The following HDAC4 variants were observed in gnomAD, a reference collection of about 807,000 sequenced individuals.
HDAC4 encodes histone deacetylase 4, also known as histone deacetylase A.
A neutral mutation model predicts 135.1 loss-of-function variants in HDAC4; 16 were observed. The observed-to-expected ratio is 0.12, with a 90% CI of 0.08 to 0.18. HDAC4 has a LOEUF of 0.18. Ranked by LOEUF, HDAC4 falls within the 10% of genes least tolerant of loss-of-function variation. The pLI is 1.00. For missense variants in HDAC4, 1,143 were observed against 1,511.8 expected, an observed-to-expected ratio of 0.76 and a Z score of 4.05; for synonymous variants, 685 against 653.4, an observed-to-expected ratio of 1.05 and a Z score of -0.74.
intron 6 of HDAC4, among the ~76,000 whole-genome samples, chr2:239,163,014 G>A (rs866665290): frequency 7.2e-5 from 11 of 152,042 alleles, no homozygotes; most frequent in Middle Eastern, 3.2e-3. Context: ...ATTTCAAAGC[G>A]ATCCTCTGTT....
chr2:239,263,352 C>T (rs528040196), intron 2 of HDAC4, among the ~76,000 whole-genome samples: 169 of 150,346 alleles, frequency 1.1e-3, no homozygotes, highest in African/African-American at 4.0e-3. Context: ...GCACATCAGC[C>T]GCCCCGAAGC....
At chr2:239,378,064 G>A (rs568306344) in intron 1 of HDAC4, among the ~76,000 whole-genome samples, 14 of 152,280 alleles carry the variant, frequency 9.2e-5, no homozygotes, top group South Asian at 8.3e-4. Flanking sequence ...CAGCAAACGC[G>A]GTGCCCCTCC....
chr2:239,180,671 T>C (rs569059781), intron 4 of HDAC4, among the ~76,000 whole-genome samples: 6 of 152,308 alleles, frequency 3.9e-5, no homozygotes, highest in Non-Finnish European at 5.9e-5. Flanking sequence ...TTCGGCAACC[T>C]CAAACTGGCG....
chr2:239,111,644 G>T lies in HDAC4; in HGVS notation c.1860C>A (p.Ala620=). The change falls in exon 14 of 27, where the codon GCC becomes GCA. Residue 620 remains alanine (A), a synonymous_variant. Coordinates refer to ENST00000543185, the MANE Select transcript of HDAC4 (RefSeq NM_001378414.1). ...GGCCGCCGAAGGACACGGGGATGCCGGCGGCCTCCATGGACGCCTGGTAGT... is the reference window on the plus strand; with the variant it reads ...GGCCGCCGAAGGACACGGGGATGCCTGCGGCCTCCATGGACGCCTGGTAGT... The part of the protein sequence containing the change: ...LRNYQASMEA[A]GIPVSFGGHR... The T allele has an allele frequency of 6.2e-7, 1 of 1,607,910 alleles. No homozygotes were observed. Among genetic ancestry groups the T allele is most frequent in the Non-Finnish European group, 8.5e-7 (1 of 1,177,882 alleles).
intron 3 of HDAC4, among the ~76,000 whole-genome samples, chr2:239,223,014 A>T (rs1158428687): frequency 6.6e-6 from 1 of 152,196 alleles, no homozygotes; most frequent in East Asian, 1.9e-4. Context: ...AAATACCCTA[A>T]ACCCAATGGA....
rs370711894 is a variant in HDAC4, at chr2:239,115,095, C to T, written c.1749G>A (p.Pro583=). 1.6e-5 allele frequency: 25 copies of T among 1,611,476 alleles called. No individual in the cohort carries two copies. In the East Asian group the frequency reaches 2.2e-4, roughly 14 times the overall value. ...CCTGCTCACTGGGCTGGCGCTGGCC[C>T]GGCTCCACCTCCCGTGGGGGCTCTG... is the stretch of plus-strand genomic sequence containing the variant. The part of the protein sequence containing the change: ...EEAEPPREVE[P]GQRQPSEQEL... The change falls in exon 13 of 27, where the codon CCG becomes CCA. Residue 583 remains proline (P), a synonymous_variant. Transcript: ENST00000543185. The surrounding 1 kb of genome is among the most constrained non-coding windows in gnomAD (Gnocchi z 6.3).
intron 1 of HDAC4, among the ~76,000 whole-genome samples, chr2:239,385,345 G>A (rs749830913): frequency 1.4e-4 from 22 of 152,262 alleles, no homozygotes; most frequent in Admixed American, 2.6e-4. Context: ...GGCTGGCAGT[G>A]TCAGGAGGTT....
chr2:239,113,866 G>A (rs1427136641), intron 13 of HDAC4, among the ~76,000 whole-genome samples: 2 of 152,132 alleles, frequency 1.3e-5, no homozygotes, highest in Non-Finnish European at 2.9e-5. Context: ...GTTCTGCTGG[G>A]CTTTGTAGTG....
rs953275893 is a variant in HDAC4 at position 239,319,164 on chromosome 2, G to A, written c.22+33514C>T. Among the ~76,000 whole-genome samples, 11 of 152,182 alleles carry A rather than the reference G, an allele frequency of 7.2e-5. 1 individual carries two copies. Among genetic ancestry groups the A allele is most frequent in the Admixed American group, 7.2e-4 (11 of 15,282 alleles). ...GATATTACTTCCAGAAGAAAAGTAAGAGCAAAAAACCAGAATATCTGATAT... is the reference window on the plus strand; with the variant it reads ...GATATTACTTCCAGAAGAAAAGTAAAAGCAAAAAACCAGAATATCTGATAT... On this transcript the variant is annotated intron_variant, in intron 2 of 26. Transcript: ENST00000543185.
intron 17 of HDAC4, chr2:239,094,166 C>T (rs981523291): frequency 1.5e-5 from 15 of 985,450 alleles, no homozygotes; most frequent in East Asian, 1.1e-4. Flanking sequence ...TGGTGATTCG[C>T]GGCACTGCAG....
Position 239,085,645 on chromosome 2 carries a change from G to A in HDAC4, c.2445-1403C>T, listed in dbSNP as rs893958050. Among the ~76,000 whole-genome samples the A allele has an allele frequency of 3.3e-5, 5 of 152,250 alleles. 1 individual carries two copies. Among genetic ancestry groups the A allele is most frequent in the Admixed American group, 2.0e-4 (3 of 15,282 alleles). On this transcript the variant is annotated intron_variant, in intron 19 of 26. Transcript: ENST00000543185. Reference sequence around the variant, plus strand: ...CTGTTCTGGGATGTGGAGCAAACACGTGGTTTTCAGGTAAAGCTACAAAGA... The same window carrying A: ...CTGTTCTGGGATGTGGAGCAAACACATGGTTTTCAGGTAAAGCTACAAAGA...
chr2:239,159,066 T>C (rs1371170579), intron 6 of HDAC4, among the ~76,000 whole-genome samples: 2 of 147,324 alleles, frequency 1.4e-5, no homozygotes, highest in Admixed American at 1.3e-4. Flanking sequence ...TATATCTGCA[T>C]CTCACTACTC....
intron 4 of HDAC4, among the ~76,000 whole-genome samples, chr2:239,188,717 G>A (rs548925497): frequency 2.6e-5 from 4 of 152,342 alleles, no homozygotes; most frequent in South Asian, 4.1e-4. Context: ...TGTTGGTGGC[G>A]GCCTGCCACT....
intron 6 of HDAC4, among the ~76,000 whole-genome samples, chr2:239,163,420 C>G (rs921927046): frequency 6.6e-6 from 1 of 152,160 alleles, no homozygotes; most frequent in Non-Finnish European, 1.5e-5. Flanking sequence ...CCCATGAGGA[C>G]GGCCACCGTG....
chr2:239,264,680 C>T (rs901444501), intron 2 of HDAC4, among the ~76,000 whole-genome samples: 5 of 152,178 alleles, frequency 3.3e-5, no homozygotes, highest in African/African-American at 4.8e-5. Flanking sequence ...GATCAGCCTT[C>T]CTGGGTAGAA....
At chr2:239,197,200 G>A (rs565398634) in intron 3 of HDAC4, among the ~76,000 whole-genome samples, 2 of 152,302 alleles carry the variant, frequency 1.3e-5, no homozygotes, top group Non-Finnish European at 2.9e-5. Flanking sequence ...CACGCGTCCT[G>A]ACTTTGGCTG....
At chr2:239,218,082 G>A (rs900984061) in intron 3 of HDAC4, among the ~76,000 whole-genome samples, 2 of 151,936 alleles carry the variant, frequency 1.3e-5, no homozygotes, top group Non-Finnish European at 2.9e-5. Context: ...ACAGAGTGAG[G>A]CCCCAGCTCA....
At chr2:239,184,069 TAAAAAAAAAAAA>T (rs58952360) in intron 4 of HDAC4, among the ~76,000 whole-genome samples, 2 of 71,402 alleles carry the variant, frequency 2.8e-5, no homozygotes, top group Admixed American at 1.6e-4. Flanking sequence ...CTTGCTAGTG[TAAAAAAAAAAAA>T]AAAAAAAAAA....
At chr2:239,319,955 T>C (rs1031090775) in intron 2 of HDAC4, among the ~76,000 whole-genome samples, 3 of 152,240 alleles carry the variant, frequency 2.0e-5, no homozygotes, top group African/African-American at 7.2e-5. Context: ...GTGGTCTCTG[T>C]CTCACAGAGC....
Sources: gnomAD v4.1 joint callset for allele counts (sites outside exome capture counted in the v4.1 genomes callset) on GRCh38, gnomAD v4.1.1 for gene constraint, Gnocchi (gnomAD v3.1) non-coding constraint, MANE v1.5 for transcripts, NCBI Gene and HGNC (gene_info 2026-07-23, HGNC 2026-07-21) for gene names.